Variants in CDH12 observed in about 807,000 individuals in gnomAD.
CDH12 encodes cadherin 12.
CDH12 carries 41 observed loss-of-function variants against 74.1 expected under a neutral mutation model. That is an observed-to-expected ratio of 0.55 (90% confidence interval 0.43 to 0.72). The LOEUF (loss-of-function observed/expected upper bound fraction) is 0.72, where lower values mean the gene tolerates loss of function less well. Ranked by LOEUF, CDH12 falls within the 30% of genes least tolerant of loss-of-function variation. The probability of loss-of-function intolerance (pLI) is 0.00; values close to 1 mark genes in which losing one functional copy is unlikely to be tolerated. For missense variants in CDH12, 945 were observed against 977.2 expected (o/e 0.97, Z 0.44); for synonymous variants, 399 against 355.0 (o/e 1.12, Z -1.39).
intron 2 of CDH12, among the ~76,000 whole-genome samples, chr5:22,484,957 T>C (rs1398652292): frequency 6.6e-6 from 1 of 152,174 alleles, no homozygotes; most frequent in Non-Finnish European, 1.5e-5. Flanking sequence ...GGTCTTTGGA[T>C]ACATATTTGT....
At chr5:22,294,666 A>C (rs1737546141) in intron 3 of CDH12, among the ~76,000 whole-genome samples, 1 of 152,160 alleles carries the variant, frequency 6.6e-6, no homozygotes. Context: ...TTAGGCAAGT[A>C]AATTGTCATT....
intron 1 of CDH12, among the ~76,000 whole-genome samples, chr5:22,654,654 T>C (rs1320060276): frequency 6.6e-6 from 1 of 151,552 alleles, no homozygotes; most frequent in Non-Finnish European, 1.5e-5. Flanking sequence ...GTTGTTGTTT[T>C]GAGACAGTTT....
intron 6 of CDH12, among the ~76,000 whole-genome samples, chr5:21,884,483 A>G (rs1752525347): frequency 6.6e-6 from 1 of 152,200 alleles, no homozygotes; most frequent in Non-Finnish European, 1.5e-5. Context: ...ATAATGGTTT[A>G]CTGCTGTCAT....
intron 3 of CDH12, among the ~76,000 whole-genome samples, chr5:22,353,698 T>C (rs926278651): frequency 6.6e-6 from 1 of 152,132 alleles, no homozygotes; most frequent in South Asian, 2.1e-4. Context: ...CTCAGAAAAG[T>C]ATACTCGAAA....
intron 3 of CDH12, among the ~76,000 whole-genome samples, chr5:22,256,630 T>C (rs1459034651): frequency 2.0e-5 from 3 of 152,170 alleles, no homozygotes; most frequent in Non-Finnish European, 4.4e-5. Context: ...ATTGTTATCA[T>C]AGATGCCAGC....
intron 1 of CDH12, among the ~76,000 whole-genome samples, chr5:22,640,629 T>G (rs929194012): frequency 6.6e-6 from 1 of 152,238 alleles, no homozygotes; most frequent in Middle Eastern, 3.2e-3. Context: ...TGTTTTTATT[T>G]TCTTCATATA....
intron 1 of CDH12, among the ~76,000 whole-genome samples, chr5:22,653,925 A>G (rs1739872558): frequency 6.6e-6 from 1 of 152,180 alleles, no homozygotes; most frequent in Non-Finnish European, 1.5e-5. Flanking sequence ...AAATACATAC[A>G]TACATAAAAT....
chr5:22,361,817 C>T (rs139638021), intron 3 of CDH12, among the ~76,000 whole-genome samples: 1,789 of 152,208 alleles, frequency 0.012, 37 homozygotes, highest in African/African-American at 0.04. Flanking sequence ...TTGACAAAAA[C>T]AAGCAATGGG....
At chr5:22,099,412 T>C (rs1375955481) in intron 4 of CDH12, among the ~76,000 whole-genome samples, 1 of 152,198 alleles carries the variant, frequency 6.6e-6, no homozygotes, top group Admixed American at 6.5e-5. Context: ...TAAAAAGGAC[T>C]GGACAATACT....
At chr5:22,766,478 G>C (rs1746521545) in intron 1 of CDH12, among the ~76,000 whole-genome samples, 1 of 152,084 alleles carries the variant, frequency 6.6e-6, no homozygotes, top group Non-Finnish European at 1.5e-5. Flanking sequence ...GACAATGTCA[G>C]ATGGCAGAAA....
At chr5:22,714,160 T>C (rs1743444516) in intron 1 of CDH12, among the ~76,000 whole-genome samples, 1 of 152,218 alleles carries the variant, frequency 6.6e-6, no homozygotes, top group Non-Finnish European at 1.5e-5. Flanking sequence ...CAAAATTGCT[T>C]CTCCTCTTGA....
chr5:22,739,717 T>A (rs1312442795), intron 1 of CDH12, among the ~76,000 whole-genome samples: 2 of 152,026 alleles, frequency 1.3e-5, no homozygotes, highest in Non-Finnish European at 2.9e-5. Flanking sequence ...ACCCCTCCAT[T>A]TCCTCCCAGC....
At chr5:22,425,941 T>C (rs923654806) in intron 2 of CDH12, among the ~76,000 whole-genome samples, 1 of 151,904 alleles carries the variant, frequency 6.6e-6, no homozygotes, top group Non-Finnish European at 1.5e-5. Context: ...TCCAGTGCTA[T>C]TGTTTGGGAG....
In CDH12 at chr5:22,309,956, A is replaced by C. The variant is rs372593290; in HGVS notation, c.-333+95301T>G. Among the ~76,000 whole-genome samples, 1,046 of 141,302 alleles carry C rather than the reference A, an allele frequency of 7.4e-3. 16 individuals carry two copies. The South Asian group carries it at 0.081, about 11-fold the overall frequency. 92.7% of individuals were successfully genotyped at this position (141,302 alleles called of 152,430 possible). ...TAAACAATTATCAAGTTTAAAAAAA[A>C]AAACATGGACACGGTGGGGGGCATC... On this transcript the variant is annotated intron_variant, in intron 3 of 14. Coordinates refer to ENST00000382254, the MANE Select transcript of CDH12 (RefSeq NM_004061.5).
At chr5:22,337,342 T>C (rs1739637877) in intron 3 of CDH12, among the ~76,000 whole-genome samples, 1 of 152,138 alleles carries the variant, frequency 6.6e-6, no homozygotes, top group Admixed American at 6.5e-5. Flanking sequence ...AAGGCATGAT[T>C]GGTTTTGAAA....
chr5:22,807,168 T>C (rs145534992), intron 1 of CDH12, among the ~76,000 whole-genome samples: 1 of 152,314 alleles, frequency 6.6e-6, no homozygotes, highest in African/African-American at 2.4e-5. Flanking sequence ...AACAAAATTA[T>C]ATAGAGCAAC....
chr5:22,059,299 T>A (rs1039346565), intron 5 of CDH12, among the ~76,000 whole-genome samples: 1 of 142,842 alleles, frequency 7.0e-6, no homozygotes, highest in Non-Finnish European at 1.5e-5. Context: ...ATCTATCATC[T>A]ATCTATCTAT....
chr5:21,928,873 A>G (rs1002842245), intron 6 of CDH12, among the ~76,000 whole-genome samples: 3 of 152,074 alleles, frequency 2.0e-5, no homozygotes, highest in African/African-American at 7.2e-5. Flanking sequence ...TGTAGTATAA[A>G]TTACTCTTTC....
chr5:22,439,964 A>G (rs1227853585), intron 2 of CDH12, among the ~76,000 whole-genome samples: 1 of 152,102 alleles, frequency 6.6e-6, no homozygotes, highest in Non-Finnish European at 1.5e-5. Context: ...TACAATTTTC[A>G]ACATTGAGAC....
Sources: allele counts gnomAD v4.1 joint callset (sites outside exome capture counted in the v4.1 genomes callset), GRCh38; gene constraint gnomAD v4.1.1; transcripts MANE v1.5; gene names NCBI Gene and HGNC (gene_info 2026-07-23, HGNC 2026-07-21).